The following CTNND2 variants were observed in gnomAD, a reference collection of about 807,000 sequenced individuals.
CTNND2 encodes the protein catenin delta-2.
A neutral mutation model predicts 144.4 loss-of-function variants in CTNND2; 22 were observed. The observed-to-expected ratio is 0.15, with a 90% confidence interval of 0.11 to 0.22. The LOEUF (loss-of-function observed/expected upper bound fraction) is 0.22. CTNND2 is among the 10% of genes least tolerant of loss of function. CTNND2 has a pLI of 1.00. For missense variants in CTNND2, 1,353 were observed against 1,618.8 expected, an observed-to-expected ratio of 0.84 and a Z score of 2.82; for synonymous variants, 751 against 695.6, an observed-to-expected ratio of 1.08 and a Z score of -1.25.
intron 2 of CTNND2, among the ~76,000 whole-genome samples, chr5:11,687,624 T>C (rs542245135): frequency 6.6e-6 from 1 of 152,300 alleles, no homozygotes; most frequent in Admixed American, 6.5e-5. Flanking sequence ...GAGTTTTCCA[T>C]ACAGTACTTG....
At chr5:11,891,279 T>C (rs899011725) in intron 1 of CTNND2, among the ~76,000 whole-genome samples, 1 of 152,194 alleles carries the variant, frequency 6.6e-6, no homozygotes, top group Non-Finnish European at 1.5e-5. Flanking sequence ...AGCTGAATAA[T>C]CACTTATTAA....
At chr5:10,989,589 C>T (rs1276617643) in intron 19 of CTNND2, among the ~76,000 whole-genome samples, 1 of 152,252 alleles carries the variant, frequency 6.6e-6, no homozygotes, top group Non-Finnish European at 1.5e-5. Flanking sequence ...TTATCATTCA[C>T]ACCCTCTGTA....
chr5:11,639,725 G>T (rs952520772), intron 2 of CTNND2, among the ~76,000 whole-genome samples: 1 of 152,102 alleles, frequency 6.6e-6, no homozygotes, highest in Admixed American at 6.6e-5. Context: ...TATAACTCTA[G>T]AATCTATTTG....
At chr5:11,596,923 T>C (rs1779533292) in intron 2 of CTNND2, among the ~76,000 whole-genome samples, 1 of 152,208 alleles carries the variant, frequency 6.6e-6, no homozygotes, top group South Asian at 2.1e-4. Flanking sequence ...TCATGAATTC[T>C]AGTATATTTG....
At chr5:11,139,861 C>T (rs1226509611) in intron 12 of CTNND2, among the ~76,000 whole-genome samples, 1 of 152,176 alleles carries the variant, frequency 6.6e-6, no homozygotes, top group African/African-American at 2.4e-5. Flanking sequence ...CTGGGGGCTC[C>T]AGGGGAGAAT....
chr5:11,883,256 C>G (rs114138407), intron 1 of CTNND2, among the ~76,000 whole-genome samples: 1 of 152,024 alleles, frequency 6.6e-6, no homozygotes, highest in African/African-American at 2.4e-5. Flanking sequence ...TAGGTATACA[C>G]GTGACATGGT....
intron 1 of CTNND2, among the ~76,000 whole-genome samples, chr5:11,764,886 G>C (rs1389799112): frequency 6.6e-6 from 1 of 151,808 alleles, no homozygotes; most frequent in Non-Finnish European, 1.5e-5. Context: ...ATGAATCAAA[G>C]TCAAACTTAC....
intron 2 of CTNND2, among the ~76,000 whole-genome samples, chr5:11,713,998 G>T (rs547468420): frequency 6.6e-6 from 1 of 152,046 alleles, no homozygotes; most frequent in Non-Finnish European, 1.5e-5. Context: ...CCGTAGCCTC[G>T]ACAACAAGTT....
chr5:11,478,685 T>C (rs1341492990), intron 3 of CTNND2, among the ~76,000 whole-genome samples: 2 of 152,242 alleles, frequency 1.3e-5, no homozygotes, highest in Non-Finnish European at 2.9e-5. Flanking sequence ...ATAATAATTA[T>C]GCATTTTATT....
chr5:11,638,035 C>A (rs150642232), intron 2 of CTNND2, among the ~76,000 whole-genome samples: 1 of 152,194 alleles, frequency 6.6e-6, no homozygotes, highest in African/African-American at 2.4e-5. Flanking sequence ...CTTTTTTCAT[C>A]ACGTAAATTA....
intron 1 of CTNND2, among the ~76,000 whole-genome samples, chr5:11,857,349 G>A (rs1275409919): frequency 1.3e-5 from 2 of 152,192 alleles, no homozygotes; most frequent in Non-Finnish European, 2.9e-5. Context: ...AGGCACCGAG[G>A]CAGGAACAAG....
intron 2 of CTNND2, among the ~76,000 whole-genome samples, chr5:11,582,261 C>T (rs1778494875): frequency 6.6e-6 from 1 of 152,160 alleles, no homozygotes; most frequent in Non-Finnish European, 1.5e-5. Flanking sequence ...GAGAGATTAA[C>T]TGACTAAAAT....
intron 9 of CTNND2, among the ~76,000 whole-genome samples, chr5:11,243,834 A>T (rs1002272408): frequency 6.6e-6 from 1 of 152,236 alleles, no homozygotes; most frequent in African/African-American, 2.4e-5. Flanking sequence ...CATTGAAAAG[A>T]GTCCCAGGAC....
chr5:11,019,128 A>T (rs981894894), intron 17 of CTNND2, among the ~76,000 whole-genome samples: 3 of 152,226 alleles, frequency 2.0e-5, no homozygotes, highest in Non-Finnish European at 4.4e-5. Flanking sequence ...ATAAACAAAA[A>T]TATTTGTGTG....
At chr5:11,826,323 A>G (rs896545824) in intron 1 of CTNND2, among the ~76,000 whole-genome samples, 2 of 152,088 alleles carry the variant, frequency 1.3e-5, no homozygotes, top group Non-Finnish European at 2.9e-5. Context: ...AATAAATCCT[A>G]TAACTACTAG....
intron 3 of CTNND2, among the ~76,000 whole-genome samples, chr5:11,435,433 C>T (rs879533552): frequency 2.8e-4 from 43 of 152,184 alleles, no homozygotes; most frequent in Non-Finnish European, 3.1e-4. Flanking sequence ...TGAGCCACCG[C>T]GCCCCGCCGT....
At chr5:11,837,278 T>A (rs1425418469) in intron 1 of CTNND2, among the ~76,000 whole-genome samples, 2 of 152,152 alleles carry the variant, frequency 1.3e-5, no homozygotes, top group East Asian at 3.8e-4. Flanking sequence ...AACAATGGGA[T>A]CAGATCTTCA....
At position 11,623,800 on chromosome 5, in the gene CTNND2, GTGTGTATGTATATATATATA is replaced by G. The variant is rs61642621; in HGVS notation, c.175-58764_175-58745del. 6.0e-3 allele frequency among the ~76,000 whole-genome samples: 516 copies of G among 85,604 alleles called. 16 individuals are homozygous for G. The highest frequency in any genetic ancestry group is 7.2e-3 in the African/African-American group (122 of 17,048). The allele number at this position is 85,604 out of a possible 152,430, so 56.2% of individuals were successfully genotyped here. A position where few individuals can be genotyped will look rare whatever the true frequency, so the allele number is the denominator to read the frequency against. On this transcript the variant is annotated intron_variant, in intron 2 of 21. Transcript: ENST00000304623. ...ACCTAACTATCGTAAATATATATAT[GTGTGTATGTATATATATATA>G]TATATATATATATATATATATATAT... is the stretch of plus-strand genomic sequence containing the variant.
intron 10 of CTNND2, among the ~76,000 whole-genome samples, chr5:11,225,827 T>C (rs1307640409): frequency 6.6e-6 from 1 of 152,202 alleles, no homozygotes; most frequent in African/African-American, 2.4e-5. Flanking sequence ...CCTACAAACG[T>C]GACCTTGTTT....
Sources: gnomAD v4.1 joint callset for allele counts (sites outside exome capture counted in the v4.1 genomes callset) on GRCh38, gnomAD v4.1.1 for gene constraint, MANE v1.5 for transcripts, NCBI Gene and HGNC (gene_info 2026-07-23, HGNC 2026-07-21) for gene names.